Variants in TENM3 observed in about 807,000 individuals in gnomAD.
TENM3 encodes teneurin-3.
A neutral mutation model predicts 255.1 loss-of-function variants in TENM3; 63 were observed. That is an observed-to-expected ratio of 0.25 (90% CI 0.20 to 0.30). The LOEUF (loss-of-function observed/expected upper bound fraction) is 0.30. Among genes scored for constraint, TENM3 ranks in the 10% least tolerant of loss-of-function variants. The pLI is 1.00. For synonymous variants in TENM3, 1,306 were observed against 1,322.3 expected (o/e 0.99, Z 0.27); for missense variants, 2,929 against 3,461.1 (o/e 0.85, Z 3.86).
the TENM3 span, among the ~76,000 whole-genome samples, chr4:182,035,805 C>T: frequency 1.3e-5 from 2 of 152,178 alleles, no homozygotes; most frequent in East Asian, 1.9e-4. Context: ...GCTTAAATCC[C>T]TCCAAAGGTT....
the TENM3 span, among the ~76,000 whole-genome samples, chr4:181,693,237 C>A: frequency 1.3e-5 from 2 of 152,174 alleles, no homozygotes; most frequent in Non-Finnish European, 2.9e-5. Context: ...AAAGAACTAG[C>A]TAAATAGCCC....
chr4:181,605,370 G>C, the TENM3 span, among the ~76,000 whole-genome samples: 2 of 151,100 alleles, frequency 1.3e-5, no homozygotes, highest in Non-Finnish European at 2.9e-5. Context: ...TCTTAACCTG[G>C]AAGGCGGAGG....
At chr4:182,387,883 G>T (rs1040560012) in intron 3 of TENM3, among the ~76,000 whole-genome samples, 1 of 146,340 alleles carries the variant, frequency 6.8e-6, no homozygotes, top group East Asian at 2.1e-4. Context: ...GTGAGACCAA[G>T]AACCCACCAA....
chr4:181,648,709 A>G, the TENM3 span, among the ~76,000 whole-genome samples: 3 of 152,204 alleles, frequency 2.0e-5, no homozygotes, highest in Non-Finnish European at 4.4e-5. Flanking sequence ...TAGCCACCCA[A>G]GAGAATTAAT....
At chr4:182,749,539 C>T (rs1436763746) in intron 19 of TENM3, among the ~76,000 whole-genome samples, 5 of 152,126 alleles carry the variant, frequency 3.3e-5, no homozygotes, top group East Asian at 3.9e-4. Flanking sequence ...ATGTAGTATG[C>T]GCTAGGCCCT....
chr4:182,598,128 C>T (rs1188625038), intron 3 of TENM3, among the ~76,000 whole-genome samples: 1 of 152,188 alleles, frequency 6.6e-6, no homozygotes, highest in African/African-American at 2.4e-5. Flanking sequence ...CTGCAGTGAG[C>T]TGTGATTGTG....
chr4:181,703,192 C>A, the TENM3 span, among the ~76,000 whole-genome samples: 2 of 152,186 alleles, frequency 1.3e-5, no homozygotes, highest in Admixed American at 1.3e-4. Flanking sequence ...CGTTCACATT[C>A]TAAGTTAACA....
intron 3 of TENM3, among the ~76,000 whole-genome samples, chr4:182,453,939 G>A (rs574944436): frequency 2.6e-5 from 4 of 152,120 alleles, no homozygotes; most frequent in Non-Finnish European, 4.4e-5. Flanking sequence ...GTACATTAGC[G>A]GAGTAGACAC....
the TENM3 span, among the ~76,000 whole-genome samples, chr4:182,003,838 CCT>C: frequency 3.3e-5 from 5 of 151,374 alleles, no homozygotes; most frequent in Non-Finnish European, 5.9e-5. Context: ...AAAATATTTC[CCT>C]GTGTGTAAGT....
chr4:182,462,910 T>G (rs1356085636), intron 3 of TENM3, among the ~76,000 whole-genome samples: 1 of 151,772 alleles, frequency 6.6e-6, no homozygotes, highest in African/African-American at 2.4e-5. Context: ...AAAATTTACT[T>G]GATAATTTTG....
the TENM3 span, among the ~76,000 whole-genome samples, chr4:181,904,145 C>T: frequency 2.0e-5 from 3 of 152,072 alleles, no homozygotes; most frequent in Non-Finnish European, 4.4e-5. Flanking sequence ...TCTTCTGAAG[C>T]CTGCAGCCCC....
At chr4:182,767,326 C>T (rs564652001) in intron 22 of TENM3, among the ~76,000 whole-genome samples, 20 of 152,254 alleles carry the variant, frequency 1.3e-4, no homozygotes, top group Admixed American at 7.2e-4. Context: ...TCAGGAAGGA[C>T]GATCAAGGAG....
chr4:182,362,510 G>A (rs1026339507), intron 3 of TENM3, among the ~76,000 whole-genome samples: 1 of 152,154 alleles, frequency 6.6e-6, no homozygotes, highest in Admixed American at 6.5e-5. Context: ...CTCCATGGGT[G>A]TAGGACCCTC....
At chr4:181,620,476 G>T in the TENM3 span, among the ~76,000 whole-genome samples, 67 of 151,948 alleles carry the variant, frequency 4.4e-4, no homozygotes, top group African/African-American at 1.4e-3. Context: ...TCCGGGTTTG[G>T]CTCTGGGTTG....
At chr4:182,699,416 CT>C (rs1202519452) in intron 12 of TENM3, among the ~76,000 whole-genome samples, 2 of 152,300 alleles carry the variant, frequency 1.3e-5, no homozygotes, top group East Asian at 3.9e-4. Flanking sequence ...TTGTTTCCCA[CT>C]GTGAAATTAA....
chr4:182,035,992 G>A, the TENM3 span, among the ~76,000 whole-genome samples: 1 of 151,972 alleles, frequency 6.6e-6, no homozygotes, highest in Non-Finnish European at 1.5e-5. Context: ...ACGGGGTCTT[G>A]TGCAGGCTCT....
At chr4:182,538,108 A>G (rs557706637) in intron 3 of TENM3, among the ~76,000 whole-genome samples, 3 of 152,286 alleles carry the variant, frequency 2.0e-5, no homozygotes, top group Non-Finnish European at 4.4e-5. Context: ...AAGCTTTTAG[A>G]TAGTGTTTTT....
the TENM3 span, among the ~76,000 whole-genome samples, chr4:182,010,281 A>G: frequency 6.6e-6 from 1 of 152,220 alleles, no homozygotes; most frequent in Non-Finnish European, 1.5e-5. Context: ...AAACAGTCAC[A>G]TTAAGCTTAA....
the TENM3 span, among the ~76,000 whole-genome samples, chr4:181,568,245 C>T: frequency 6.6e-6 from 1 of 150,490 alleles, no homozygotes; most frequent in Admixed American, 6.6e-5. Context: ...CTCACTGCAA[C>T]CTCTGCCTCC....
Sources: gnomAD v4.1 joint callset for allele counts (sites outside exome capture counted in the v4.1 genomes callset) on GRCh38, gnomAD v4.1.1 for gene constraint, MANE v1.5 for transcripts, NCBI Gene and HGNC (gene_info 2026-07-23, HGNC 2026-07-21) for gene names.